Variants in DIP2B observed in about 807,000 individuals in gnomAD.
DIP2B encodes disco-interacting protein 2 homolog B.
Under a neutral mutation model 198.0 loss-of-function variants are expected in DIP2B, and 76 were observed. The ratio of observed to expected loss-of-function variants is 0.38; its 90% CI spans 0.32 to 0.46. The LOEUF (loss-of-function observed/expected upper bound fraction) is 0.46, where lower values mean the gene tolerates loss of function less well. Ranked by LOEUF, DIP2B falls within the 20% of genes least tolerant of loss-of-function variation. DIP2B has a pLI of 0.99. For missense variants in DIP2B, 1,559 were observed against 1,978.4 expected (o/e 0.79, Z 4.02); for synonymous variants, 701 against 739.1 (o/e 0.95, Z 0.84).
chr12:50,711,986 C>T (rs758828963), intron 22 of DIP2B, among the ~76,000 whole-genome samples: 1 of 152,156 alleles, frequency 6.6e-6, no homozygotes, highest in Non-Finnish European at 1.5e-5. Context: ...CAGAGCAAGA[C>T]CCTTTGCTCT....
chr12:50,603,647 A>G (rs1352983287), intron 1 of DIP2B, among the ~76,000 whole-genome samples: 1 of 151,694 alleles, frequency 6.6e-6, no homozygotes, highest in East Asian at 1.9e-4. Context: ...ATTTGAGCCC[A>G]GGAGGTCGAG....
chr12:50,516,902 C>T (rs1355032076), intron 1 of DIP2B, among the ~76,000 whole-genome samples: 1 of 151,826 alleles, frequency 6.6e-6, no homozygotes. Flanking sequence ...ATTGCTTGAG[C>T]CCAGGAGACG....
intron 1 of DIP2B, among the ~76,000 whole-genome samples, chr12:50,596,821 A>T (rs1040613471): frequency 6.6e-6 from 1 of 152,218 alleles, no homozygotes; most frequent in African/African-American, 2.4e-5. Context: ...ATATTTAGAT[A>T]AATCTTATTT....
intron 2 of DIP2B, among the ~76,000 whole-genome samples, chr12:50,635,010 AC>A (rs1260902108): frequency 6.6e-6 from 1 of 152,180 alleles, no homozygotes; most frequent in Non-Finnish European, 1.5e-5. Flanking sequence ...ACCTACTAAA[AC>A]CTCAAGAGGC....
chr12:50,535,794 C>T lies in DIP2B; in HGVS notation c.100+30554C>T, dbSNP rs548892303. On this transcript the variant is annotated intron_variant, in intron 1 of 37. Transcript: ENST00000301180. ...ACATGTGCCACGCTAGTGTGCTGCA[C>T]CCATTAACTCGTCACTTAGCATTAG... Among the ~76,000 whole-genome samples, 170 of 151,302 alleles carry T rather than the reference C, an allele frequency of 1.1e-3. 1 individual carries two copies. The highest frequency in any genetic ancestry group is 2.1e-3 in the Admixed American group (32 of 15,146).
intron 14 of DIP2B, among the ~76,000 whole-genome samples, chr12:50,694,648 CT>C (rs1939278215): frequency 8.3e-6 from 1 of 119,908 alleles, no homozygotes; most frequent in Admixed American, 1.1e-4. Context: ...AGTGAAACCC[CT>C]GTCTCTTTTT....
At chr12:50,733,563 G>T (rs1940085957) in intron 32 of DIP2B, among the ~76,000 whole-genome samples, 1 of 152,092 alleles carries the variant, frequency 6.6e-6, no homozygotes, top group Non-Finnish European at 1.5e-5. Flanking sequence ...ATATAGATGG[G>T]CTTAGTGGTA....
intron 1 of DIP2B, among the ~76,000 whole-genome samples, chr12:50,522,957 T>C (rs553151663): frequency 6.6e-6 from 1 of 152,240 alleles, no homozygotes; most frequent in Non-Finnish European, 1.5e-5. Flanking sequence ...ATTTTATTTA[T>C]AAAAGTGTTA....
At chr12:50,673,433 C>T (rs972455783) in intron 5 of DIP2B, among the ~76,000 whole-genome samples, 9 of 152,084 alleles carry the variant, frequency 5.9e-5, no homozygotes, top group African/African-American at 1.9e-4. Flanking sequence ...TTGTTGTTGT[C>T]GTTACGTGTC....
chr12:50,678,694 C>A lies in DIP2B; in HGVS notation c.932C>A (p.Pro311His). 1.2e-6 allele frequency: 2 copies of A among 1,614,066 alleles called. No homozygotes were observed. Among genetic ancestry groups the A allele is most frequent in the Non-Finnish European group, 1.7e-6 (2 of 1,179,982 alleles). ...CCTGGTACAGTACCTCAGCCAGACC[C>A]CAACCAGCCCAAGCCGGAGGGACGG... The part of the protein sequence containing the change: ...EEIVEVPQPD[P>H]NQPKPEGRQM... Residue 311 changes from proline (P) to histidine (H), a missense_variant, in exon 8 of 38, where the codon CCC (proline) becomes CAC (histidine). Pro to His is a moderately conservative substitution (Grantham distance 77, BLOSUM62 -2). Coordinates refer to ENST00000301180, the MANE Select transcript of DIP2B (RefSeq NM_173602.3).
intron 1 of DIP2B, among the ~76,000 whole-genome samples, chr12:50,621,340 A>T (rs1417374064): frequency 2.0e-5 from 3 of 152,022 alleles, no homozygotes; most frequent in Non-Finnish European, 4.4e-5. Flanking sequence ...TTTTTTGTTC[A>T]CCTTTAAGAT....
intron 3 of DIP2B, chr12:50,654,932 C>G: frequency 2.3e-6 from 1 of 425,746 alleles, no homozygotes; most frequent in Non-Finnish European, 4.7e-6. Context: ...AGTAGTAATG[C>G]AGTGTGGTAA....
At chr12:50,532,342 G>A (rs978758855) in intron 1 of DIP2B, among the ~76,000 whole-genome samples, 3 of 151,964 alleles carry the variant, frequency 2.0e-5, no homozygotes, top group South Asian at 2.1e-4. Context: ...TAGTGAAACC[G>A]CGTGTCTACT....
intron 10 of DIP2B, 41 bp downstream of exon 10, chr12:50,683,289 C>T: frequency 2.0e-6 from 3 of 1,526,456 alleles, no homozygotes; most frequent in South Asian, 1.2e-5. Context: ...CCTGATGTGA[C>T]ATGGCAGGCA....
At chr12:50,642,129 A>G (rs181602098) in intron 3 of DIP2B, among the ~76,000 whole-genome samples, 8 of 149,716 alleles carry the variant, frequency 5.3e-5, no homozygotes, top group African/African-American at 1.7e-4. Context: ...TTCAGTCGGG[A>G]AAAAAAAAAT....
rs60286200 is a variant in DIP2B at position 50,719,612 on chromosome 12, C to A, written c.3042+577C>A. ...ATCCCAACACTTTGGGAGGCCAAGG[C>A]GGGTGGATCACTTGAGGTCAGGAGT... On this transcript the variant is annotated intron_variant, in intron 25 of 37. Coordinates refer to ENST00000301180, the MANE Select transcript of DIP2B (RefSeq NM_173602.3). Among the ~76,000 whole-genome samples, 303 of 152,048 alleles carry A rather than the reference C, an allele frequency of 2.0e-3. 1 individual carries two copies. The highest frequency in any genetic ancestry group is 7.2e-3 in the African/African-American group (297 of 41,476).
intron 10 of DIP2B, 108 bp from the exon 11 acceptor site, chr12:50,685,725 C>T: frequency 7.8e-7 from 1 of 1,276,502 alleles, no homozygotes; most frequent in Non-Finnish European, 1.0e-6. Flanking sequence ...TGGTGGGGCT[C>T]CATGAATGTT....
At chr12:50,529,728 G>A (rs1205215081) in intron 1 of DIP2B, among the ~76,000 whole-genome samples, 4 of 151,972 alleles carry the variant, frequency 2.6e-5, no homozygotes, top group African/African-American at 4.8e-5. Context: ...GTGTGGTGGC[G>A]TGTGCCTGTA....
chr12:50,626,043 A>C lies in DIP2B; in HGVS notation c.168A>C (p.Thr56=), dbSNP rs748906798. The C allele has an allele frequency of 6.2e-6, 10 of 1,613,928 alleles. No individual in the cohort carries two copies. In the African/African-American group the frequency reaches 1.2e-4, roughly 19 times the overall value. The change falls in exon 2 of 38, where the codon ACA becomes ACC. Residue 56 remains threonine, a synonymous_variant. Coordinates refer to ENST00000301180, the MANE Select transcript of DIP2B (RefSeq NM_173602.3). ...SKLLSPYSPQ[T]QETDSAVQKE... is the part of the protein sequence containing the mutation. ...TCCTATCTCCTTACAGCCCGCAGAC[A>C]CAAGGTAGGCAATAAAAAATGGTTT... is the stretch of plus-strand genomic sequence containing the variant.
Sources: allele counts gnomAD v4.1 joint callset (sites outside exome capture counted in the v4.1 genomes callset), GRCh38; gene constraint gnomAD v4.1.1; transcripts MANE v1.5; gene names NCBI Gene and HGNC (gene_info 2026-07-23, HGNC 2026-07-21).